GCA: variants seen among roughly 807,000 people sequenced by gnomAD.
GCA encodes grancalcin.
A neutral mutation model predicts 32.6 loss-of-function variants in GCA; 30 were observed. The observed-to-expected ratio is 0.92, with a 90% CI of 0.69 to 1.25. GCA has a LOEUF of 1.25. GCA is among the 50% of genes most tolerant of loss of function. GCA has a pLI of 0.00. For synonymous variants in GCA, 102 were observed against 84.6 expected (o/e 1.21, Z -1.13); for missense variants, 291 against 266.8 (o/e 1.09, Z -0.63).
upstream of GCA, among the ~76,000 whole-genome samples, chr2:162,343,035 C>G (rs985028835): frequency 6.6e-6 from 1 of 152,202 alleles, no homozygotes; most frequent in African/African-American, 2.4e-5. Context: ...TCTGCTGTTT[C>G]CTCTGAGAAT....
chr2:162,357,698 A>C (rs1685351338), intron 5 of GCA, among the ~76,000 whole-genome samples: 1 of 151,704 alleles, frequency 6.6e-6, no homozygotes. Context: ...AGTCCAGCCC[A>C]TATAAACATA....
Position 162,359,564 on chromosome 2 carries a change from G to A in GCA, c.627+12G>A, listed in dbSNP as rs1426754952. On this transcript the variant is annotated intron_variant, in intron 7 of 7. Coordinates refer to ENST00000437150, the MANE Select transcript of GCA (RefSeq NM_012198.5). ...TCATATATGACGATGTGAGTATCCT[G>A]CTTTTGATATTTATACTGCATTCTA... 6.9e-7 allele frequency: 1 copy of A among 1,447,174 alleles called. No individual in the cohort carries two copies. The allele number at this position is 1,447,174 out of a possible 1,614,324, so 89.6% of individuals were successfully genotyped here.
chr2:162,345,188 A>G (rs1025921060), intron 1 of GCA, among the ~76,000 whole-genome samples: 11 of 151,466 alleles, frequency 7.3e-5, no homozygotes, highest in Admixed American at 4.6e-4. Flanking sequence ...CAGGTCCTCA[A>G]CTTCCACACA....
intron 1 of GCA, among the ~76,000 whole-genome samples, chr2:162,338,651 A>G (rs1684349000): frequency 6.6e-6 from 1 of 152,188 alleles, no homozygotes; most frequent in Admixed American, 6.5e-5. Flanking sequence ...TTATCTAGGT[A>G]GAATCTAAAT....
Position 162,357,710 on chromosome 2 carries a change from G to A in GCA, c.454+805G>A, listed in dbSNP as rs375578893. The stretch of plus-strand genomic sequence containing the variant: ...GACAGTCCAGCCCATATAAACATAT[G>A]TAGTTCAATTATAGATCCTTAATAC... On this transcript the variant is annotated intron_variant, in intron 5 of 7. Transcript: ENST00000437150. Among the ~76,000 whole-genome samples the A allele has an allele frequency of 6.6e-5, 10 of 151,762 alleles. No homozygotes were observed. The South Asian group carries it at 2.1e-3, about 31-fold the overall frequency.
In GCA at chr2:162,371,444, G is replaced by A; in HGVS notation, c.*64G>A. Reference sequence around the variant, plus strand: ...TCATCTGAATTTGAGTTGCATCCATGAACAGTTTTATCCCTTGGTTTCTTA... The same window carrying A: ...TCATCTGAATTTGAGTTGCATCCATAAACAGTTTTATCCCTTGGTTTCTTA... On this transcript the variant is annotated 3_prime_UTR_variant, in exon 5 of 5. Coordinates refer to the GCA transcript ENST00000414723. The A allele has an allele frequency of 3.1e-6, 4 of 1,287,432 alleles. No individual in the cohort carries two copies. In the South Asian group the frequency reaches 5.0e-5, roughly 16 times the overall value. The allele number at this position is 1,287,432 out of a possible 1,614,324, so 79.8% of individuals were successfully genotyped here.
At chr2:162,352,501 C>A in intron 3 of GCA, 94 bp downstream of exon 3, 1 of 760,104 alleles carries the variant, frequency 1.3e-6, no homozygotes, top group African/African-American at 1.8e-5. Flanking sequence ...AAAAAATTAT[C>A]ACAGTTATAC....
intron 1 of GCA, among the ~76,000 whole-genome samples, chr2:162,325,888 TC>T (rs140637153): frequency 0.022 from 3,400 of 152,236 alleles, 134 homozygotes; most frequent in African/African-American, 0.077. Context: ...TTGCGTTAAG[TC>T]CTGTAGGGAG....
At chr2:162,332,559 G>A (rs6753059) in intron 1 of GCA, among the ~76,000 whole-genome samples, 8,362 of 151,820 alleles carry the variant, frequency 0.055, 788 homozygotes, top group African/African-American at 0.19. Context: ...GAATTACTTC[G>A]AAGGATTTTT....
At chr2:162,356,990 T>C (rs1260008844) in intron 5 of GCA, 85 bp downstream of exon 5, 2 of 927,782 alleles carry the variant, frequency 2.2e-6, no homozygotes, top group East Asian at 5.0e-5. Flanking sequence ...ATTTACTAAC[T>C]AATAAAGGGA....
chr2:162,339,193 A>C (rs569504811), upstream of GCA, among the ~76,000 whole-genome samples: 10 of 152,252 alleles, frequency 6.6e-5, no homozygotes, highest in African/African-American at 2.4e-4. Flanking sequence ...AAGATACTGA[A>C]AGGAACAACT....
At chr2:162,340,429 C>T (rs1433561743), upstream of GCA, among the ~76,000 whole-genome samples, 1 of 152,210 alleles carries the variant, frequency 6.6e-6, no homozygotes, top group Non-Finnish European at 1.5e-5. Context: ...GAATAATCAT[C>T]TCACTACTTC....
downstream of GCA, among the ~76,000 whole-genome samples, chr2:162,363,698 G>A (rs1269429411): frequency 6.6e-6 from 1 of 151,364 alleles, no homozygotes; most frequent in Admixed American, 6.6e-5. Flanking sequence ...TGAATGCTGG[G>A]AAATCTGTGC....
Position 162,356,453 on chromosome 2 carries a change from C to T in GCA, c.278C>T (p.Thr93Ile), listed in dbSNP as rs1223158704. Reference protein sequence around the residue: ...NGTYSPFSLETCRIMIAMLDR... With the variant: ...NGTYSPFSLEICRIMIAMLDR... ...TGTTTTACAGCCTTCAGTTTGGAAA[C>T]CTGCAGAATTATGATTGCCATGTTG... Residue 93 changes from threonine (T) to isoleucine (I), a missense_variant, in exon 4 of 8, where the codon ACC becomes ATC. Thr to Ile is a moderately conservative substitution (Grantham distance 89). Transcript: ENST00000437150. 4 of 1,569,724 alleles carry T rather than the reference C, an allele frequency of 2.5e-6. No homozygotes were observed. In the Admixed American group the frequency reaches 5.0e-5, roughly 20 times the overall value.
intron 4 of GCA, among the ~76,000 whole-genome samples, chr2:162,368,493 T>C (rs143073614): frequency 0.015 from 2,303 of 152,004 alleles, 33 homozygotes; most frequent in Non-Finnish European, 0.02. Flanking sequence ...ATATCTAAAA[T>C]AATAATAATT....
rs1411310537 is a variant in GCA, at chr2:162,362,672, A to G, written c.*2429A>G. The stretch of plus-strand genomic sequence containing the variant: ...ATCATACAAAATCTGTTACATATAT[A>G]TATATTATGAGATGCTTCAGTTCAA... On this transcript the variant is annotated 3_prime_UTR_variant, in exon 8 of 8. Coordinates refer to ENST00000437150, the MANE Select transcript of GCA (RefSeq NM_012198.5). The G allele has an allele frequency of 1.7e-6, 1 of 571,770 alleles. No homozygotes were observed. Among genetic ancestry groups the G allele is most frequent in the Admixed American group, 6.4e-5 (1 of 15,580 alleles). 35.4% of individuals were successfully genotyped at this position (571,770 alleles called of 1,614,324 possible).
chr2:162,373,557 T>C, downstream of GCA: 1 of 1,597,226 alleles, frequency 6.3e-7, no homozygotes, highest in Non-Finnish European at 8.5e-7. Context: ...GTCTCTGATA[T>C]TCTGATCCTG....
At chr2:162,373,544 T>C (rs780962569), downstream of GCA, 199 of 1,591,494 alleles carry the variant, frequency 1.3e-4, no homozygotes, top group Admixed American at 4.6e-4. Flanking sequence ...AGCTGGATGA[T>C]GGGTCTCTGA....
At chr2:162,374,382 TAA>T (rs1686085653), downstream of GCA, among the ~76,000 whole-genome samples, 1 of 152,164 alleles carries the variant, frequency 6.6e-6, no homozygotes, top group African/African-American at 2.4e-5. Flanking sequence ...CATTTTAAAT[TAA>T]AATTTAAGGG....
Sources: gnomAD v4.1 joint callset for allele counts (sites outside exome capture counted in the v4.1 genomes callset) on GRCh38, gnomAD v4.1.1 for gene constraint, MANE v1.5 for transcripts, NCBI Gene and HGNC (gene_info 2026-07-23, HGNC 2026-07-21) for gene names.